KCNIP4: variants seen among roughly 807,000 people sequenced by gnomAD.
KCNIP4 encodes the protein potassium voltage-gated channel interacting protein 4.
In KCNIP4, 12 loss-of-function variants were observed where a neutral mutation model predicts 34.0. The ratio of observed to expected loss-of-function variants is 0.35; its 90% CI spans 0.23 to 0.57. The LOEUF (loss-of-function observed/expected upper bound fraction) is 0.57. KCNIP4 is among the 20% of genes least tolerant of loss of function. The pLI is 0.83. For missense variants in KCNIP4, 238 were observed against 311.7 expected (o/e 0.76, Z 1.78); for synonymous variants, 124 against 102.2 (o/e 1.21, Z -1.29).
intron 1 of KCNIP4, among the ~76,000 whole-genome samples, chr4:21,631,587 T>C (rs1420085274): frequency 1.3e-5 from 2 of 152,198 alleles, no homozygotes; most frequent in Admixed American, 6.6e-5. Flanking sequence ...TGGACATCTC[T>C]AATAGTTTCT....
chr4:20,933,742 G>A (rs200964617), intron 1 of KCNIP4, among the ~76,000 whole-genome samples: 324 of 145,148 alleles, frequency 2.2e-3, no homozygotes, highest in Middle Eastern at 0.011. Flanking sequence ...AGCTGAAAAA[G>A]AAAAAAAAAA....
chr4:20,986,751 C>A (rs536874618), intron 1 of KCNIP4, among the ~76,000 whole-genome samples: 1 of 152,288 alleles, frequency 6.6e-6, no homozygotes, highest in East Asian at 1.9e-4. Flanking sequence ...TGCCACATCT[C>A]ATTTTCCAGG....
chr4:21,115,111 T>C (rs1413652995), intron 1 of KCNIP4, among the ~76,000 whole-genome samples: 1 of 152,170 alleles, frequency 6.6e-6, no homozygotes, highest in Non-Finnish European at 1.5e-5. Context: ...TTCCCTCACA[T>C]TGTTTTCCTC....
intron 1 of KCNIP4, among the ~76,000 whole-genome samples, chr4:20,958,968 C>A (rs1386863883): frequency 2.0e-5 from 3 of 152,160 alleles, no homozygotes; most frequent in African/African-American, 7.2e-5. Context: ...AGATGTCAAG[C>A]AAAATTGAAA....
At chr4:20,846,666 G>T (rs1006814752) in intron 3 of KCNIP4, among the ~76,000 whole-genome samples, 1 of 151,680 alleles carries the variant, frequency 6.6e-6, no homozygotes, top group Admixed American at 6.6e-5. Flanking sequence ...ACACACATAC[G>T]CGCACACACA....
chr4:20,732,822 A>C, intron 6 of KCNIP4, 37 bp from the exon 7 acceptor site: 1 of 1,219,580 alleles, frequency 8.2e-7, no homozygotes, highest in South Asian at 1.2e-5. Flanking sequence ...GGCTGCACAC[A>C]TGTATGAAGA....
chr4:21,664,932 T>G (rs1213018665), intron 1 of KCNIP4, among the ~76,000 whole-genome samples: 1 of 152,166 alleles, frequency 6.6e-6, no homozygotes, highest in Admixed American at 6.5e-5. Context: ...TAATTTTTAA[T>G]AAAAGCCTAA....
intron 1 of KCNIP4, among the ~76,000 whole-genome samples, chr4:21,758,137 A>G (rs1717790217): frequency 6.6e-6 from 1 of 152,228 alleles, no homozygotes; most frequent in Non-Finnish European, 1.5e-5. Context: ...TAATAAAAAC[A>G]ATAAGCGAAA....
At position 21,373,202 on chromosome 4, in the gene KCNIP4, A is replaced by G. The variant is rs541051493; in HGVS notation, c.62-490493T>C. Among the ~76,000 whole-genome samples, 4 of 146,940 alleles carry G rather than the reference A, an allele frequency of 2.7e-5. No individual in the cohort carries two copies. The East Asian group carries it at 7.9e-4, about 29-fold the overall frequency. ...TCTGGCTGTGGTGGTGTGCACTTGTAGTCCTAGCTACTTGGGAGGCTGAGG... is the reference window on the plus strand; with the variant it reads ...TCTGGCTGTGGTGGTGTGCACTTGTGGTCCTAGCTACTTGGGAGGCTGAGG... On this transcript the variant is annotated intron_variant, in intron 1 of 8. Transcript: ENST00000382152.
At chr4:20,887,509 G>A (rs1412543416) in intron 1 of KCNIP4, among the ~76,000 whole-genome samples, 2 of 151,550 alleles carry the variant, frequency 1.3e-5, no homozygotes, top group East Asian at 3.9e-4. Context: ...GAGAAGAAAA[G>A]GACCCGTACA....
At chr4:21,200,557 T>A (rs1056493319) in intron 1 of KCNIP4, among the ~76,000 whole-genome samples, 11 of 151,898 alleles carry the variant, frequency 7.2e-5, no homozygotes, top group African/African-American at 2.7e-4. Context: ...CAATATTGCA[T>A]GTTCTCACTA....
intron 1 of KCNIP4, among the ~76,000 whole-genome samples, chr4:21,055,874 T>C (rs979529553): frequency 6.6e-6 from 1 of 152,222 alleles, no homozygotes; most frequent in East Asian, 1.9e-4. Context: ...CGTGTCATTA[T>C]ACATACATTT....
At chr4:21,497,203 A>G (rs28545343) in intron 1 of KCNIP4, among the ~76,000 whole-genome samples, 5,682 of 152,260 alleles carry the variant, frequency 0.037, 320 homozygotes, top group African/African-American at 0.12. Flanking sequence ...GAGGAGGGCA[A>G]TGAAGCAGCC....
intron 4 of KCNIP4, among the ~76,000 whole-genome samples, chr4:20,755,998 T>C (rs1355780467): frequency 6.6e-6 from 1 of 152,120 alleles, no homozygotes; most frequent in Non-Finnish European, 1.5e-5. Flanking sequence ...TGGAATGGTA[T>C]GGTTTCGAAC....
intron 1 of KCNIP4, among the ~76,000 whole-genome samples, chr4:21,640,926 A>T (rs1467732478): frequency 6.6e-6 from 1 of 152,198 alleles, no homozygotes; most frequent in Non-Finnish European, 1.5e-5. Context: ...GTGCATACTC[A>T]GAATTTCAGA....
At chr4:21,320,791 C>T (rs7678066) in intron 1 of KCNIP4, among the ~76,000 whole-genome samples, 2 of 151,726 alleles carry the variant, frequency 1.3e-5, no homozygotes, top group African/African-American at 2.4e-5. Flanking sequence ...GCCAACATGG[C>T]GAAGCCCCAT....
chr4:21,567,793 T>C (rs1357483915), intron 1 of KCNIP4, among the ~76,000 whole-genome samples: 1 of 152,100 alleles, frequency 6.6e-6, no homozygotes, highest in African/African-American at 2.4e-5. Context: ...GTCACGACAA[T>C]ATTGAGTATC....
Position 21,320,964 on chromosome 4 carries a change from T to TAAAAAAAAAAAAAAAAAAA in KCNIP4, c.62-438256_62-438255insTTTTTTTTTTTTTTTTTTT, listed in dbSNP as rs528123961. On this transcript the variant is annotated intron_variant, in intron 1 of 8. Transcript: ENST00000382152. Reference sequence around the variant, plus strand: ...TGGGCAATAGAGCAAGAATCTGTCTTAAAAAAAAAAAAAAAAAAGAGGAAA... The same window carrying TAAAAAAAAAAAAAAAAAAA: ...TGGGCAATAGAGCAAGAATCTGTCTTAAAAAAAAAAAAAAAAAAAAAAAAAAAAAAAAAAAAAGAGGAAA... Among the ~76,000 whole-genome samples, 38 of 102,876 alleles carry TAAAAAAAAAAAAAAAAAAA rather than the reference T, an allele frequency of 3.7e-4. 1 individual carries two copies. Among genetic ancestry groups the TAAAAAAAAAAAAAAAAAAA allele is most frequent in the African/African-American group, 1.2e-3 (26 of 21,782 alleles). 67.5% of individuals were successfully genotyped at this position (102,876 alleles called of 152,430 possible).
At chr4:20,957,249 G>C (rs950325713) in intron 1 of KCNIP4, among the ~76,000 whole-genome samples, 1 of 152,102 alleles carries the variant, frequency 6.6e-6, no homozygotes, top group Non-Finnish European at 1.5e-5. Context: ...TTGAGAGTGA[G>C]GGTTCTATCT....
Sources: allele counts gnomAD v4.1 joint callset (sites outside exome capture counted in the v4.1 genomes callset), GRCh38; gene constraint gnomAD v4.1.1; transcripts MANE v1.5; gene names NCBI Gene and HGNC (gene_info 2026-07-23, HGNC 2026-07-21).